CFAP54: variants seen among roughly 807,000 people sequenced by gnomAD.
The protein encoded by CFAP54 is cilia and flagella associated protein 54, also known as cilia- and flagella-associated protein 54.
CFAP54 carries 290 observed loss-of-function variants against 370.4 expected under a neutral mutation model. The observed-to-expected ratio is 0.78, with a 90% CI of 0.71 to 0.86. The LOEUF (loss-of-function observed/expected upper bound fraction) is 0.86. Among genes scored for constraint, CFAP54 ranks in the 40% least tolerant of loss-of-function variants. The pLI is 0.00. For synonymous variants in CFAP54, 1,206 were observed against 1,236.5 expected, an observed-to-expected ratio of 0.98 and a Z score of 0.52; for missense variants, 3,399 against 3,528.7, an observed-to-expected ratio of 0.96 and a Z score of 0.93.
In CFAP54 at chr12:96,503,987, CT is replaced by C. The variant is rs1278494498; in HGVS notation, c.530del (p.Phe177SerfsTer17). On this transcript the variant is annotated frameshift_variant, in exon 3 of 68. Coordinates refer to ENST00000524981, the MANE Select transcript of CFAP54 (RefSeq NM_001306084.2). LOFTEE classifies it high-confidence loss of function. ...KVDVTQFKAT[F>X]FPKGFKDKTA... ...TGGATGTAACTCAATTCAAAGCTAC[CT>C]TTTTCCCAAAAGGCTTTAAAGATAA... 2 of 1,523,444 alleles carry C rather than the reference CT, an allele frequency of 1.3e-6. No individual in the cohort carries two copies. The highest frequency in any genetic ancestry group is 1.2e-5 in the South Asian group (1 of 81,016). 94.4% of individuals were successfully genotyped at this position (1,523,444 alleles called of 1,614,324 possible).
At chr12:96,814,376 A>T (rs1257643663) in intron 64 of CFAP54, among the ~76,000 whole-genome samples, 1 of 152,184 alleles carries the variant, frequency 6.6e-6, no homozygotes, top group Non-Finnish European at 1.5e-5. Context: ...TTCCAGTCTT[A>T]CAGTAGAAGG....
At chr12:96,748,245 C>T (rs374226365) in intron 55 of CFAP54, among the ~76,000 whole-genome samples, 16 of 152,260 alleles carry the variant, frequency 1.1e-4, no homozygotes, top group East Asian at 9.6e-4. Flanking sequence ...CTAGAAGTTT[C>T]GCTCCTTCTC....
chr12:96,840,408 C>T lies in CFAP54; in HGVS notation c.9171+11320C>T, dbSNP rs1284280493. Among the ~76,000 whole-genome samples, 3 of 152,216 alleles carry T rather than the reference C, an allele frequency of 2.0e-5. No homozygotes were observed. The East Asian group carries it at 5.8e-4, about 29-fold the overall frequency. ...AGGATGGTGCTAGGCTATTTAATATCCATTGGCAAATTTTATTACATTACT... is the reference window on the plus strand; with the variant it reads ...AGGATGGTGCTAGGCTATTTAATATTCATTGGCAAATTTTATTACATTACT... On this transcript the variant is annotated intron_variant, in intron 66 of 67. Transcript: ENST00000524981.
In CFAP54 at chr12:96,608,557, G is replaced by C. The variant is rs528286620; in HGVS notation, c.3639+9790G>C. 1.3e-3 allele frequency among the ~76,000 whole-genome samples: 191 copies of C among 145,040 alleles called. 1 individual carries two copies. Among genetic ancestry groups the C allele is most frequent in the Middle Eastern group, 7.1e-3 (2 of 280 alleles). On this transcript the variant is annotated intron_variant, in intron 26 of 67. Transcript: ENST00000524981. ...GCTCACTGCAACCTCTGCCTCTCCA[G>C]TTCAAGTGATTCTCATGCCTCAGCC...
At chr12:96,826,459 T>C (rs1351612761) in intron 65 of CFAP54, among the ~76,000 whole-genome samples, 4 of 122,138 alleles carry the variant, frequency 3.3e-5, no homozygotes, top group African/African-American at 1.2e-4. Context: ...ATATGTTATT[T>C]ACTATATATT....
intron 26 of CFAP54, among the ~76,000 whole-genome samples, chr12:96,603,366 T>C (rs539794588): frequency 6.6e-6 from 1 of 152,316 alleles, no homozygotes; most frequent in African/African-American, 2.4e-5. Context: ...TAACCCTACC[T>C]TTCTCTCTGG....
chr12:96,625,652 T>A, intron 28 of CFAP54, 66 bp from the exon 29 acceptor site: 1 of 926,576 alleles, frequency 1.1e-6, no homozygotes, highest in Non-Finnish European at 1.6e-6. Flanking sequence ...TATTGTGAAT[T>A]ACTCAAAAAA....
chr12:96,871,966 C>CAGATAGGAAGAAATTGAAATCCT (rs1960181329), intron 67 of CFAP54, among the ~76,000 whole-genome samples: 3 of 151,830 alleles, frequency 2.0e-5, no homozygotes, highest in Non-Finnish European at 1.5e-5. Context: ...GAAAGAGCCC[C>CAGATAGGAAGAAATTGAAATCCT]AGATAGGAAG....
At chr12:96,662,279 G>T (rs1249541918) in intron 38 of CFAP54, among the ~76,000 whole-genome samples, 1 of 152,036 alleles carries the variant, frequency 6.6e-6, no homozygotes, top group Admixed American at 6.6e-5. Context: ...ATCTTGCCTC[G>T]CTGCAACCTC....
rs1489853472 is a variant in CFAP54 at position 96,811,779 on chromosome 12, C to T, written c.8894C>T (p.Ser2965Leu). 1 of 1,525,006 alleles carries T rather than the reference C, an allele frequency of 6.6e-7. No homozygotes were observed. Among genetic ancestry groups the T allele is most frequent in the Admixed American group, 2.0e-5 (1 of 48,860 alleles). 94.5% of individuals were successfully genotyped at this position (1,525,006 alleles called of 1,614,324 possible). ...YAYNLKPLKI[S>L]DVRHSTYNST... is the part of the protein sequence containing the mutation. ...TATAATTTGAAGCCTCTGAAGATTT[C>T]AGATGTTAGACATTCCACTTATAAC... The change falls in exon 64 of 68, where the codon TCA (serine) becomes TTA (leucine). Residue 2965 changes from serine (S) to leucine (L), a missense_variant. Ser to Leu is a moderately radical substitution (Grantham distance 145). Around this residue, in one of 3 missense-constraint regions of CFAP54, gnomAD observed 2,796 missense variants for 2,869.7 expected, o/e 0.97. Transcript: ENST00000524981.
chr12:96,744,847 CCTTGCTCT>C (rs1479786255), intron 55 of CFAP54, among the ~76,000 whole-genome samples: 2 of 152,136 alleles, frequency 1.3e-5, no homozygotes, highest in Non-Finnish European at 2.9e-5. Context: ...TGATGCTCTC[CCTTGCTCT>C]ACCCCCCAGT....
intron 30 of CFAP54, among the ~76,000 whole-genome samples, chr12:96,628,383 G>A (rs1161129054): frequency 6.6e-6 from 1 of 152,192 alleles, no homozygotes; most frequent in Non-Finnish European, 1.5e-5. Context: ...GTTCTGCTGT[G>A]CGTGGAGGAG....
At position 96,489,706 on chromosome 12, in the gene CFAP54, A is replaced by T; in HGVS notation, c.97A>T (p.Arg33Trp). 6.5e-7 allele frequency: 1 copy of T among 1,535,808 alleles called. No individual in the cohort carries two copies. Among genetic ancestry groups the T allele is most frequent in the South Asian group, 1.2e-5 (1 of 84,026 alleles). ...ELPPTSTATS[R>W]SPPESKGSSR... ...GCCGCCGACCTCCACCGCGACTTCG[A>T]GGTCGCCCCCAGAGTCGAAGGGGAG... Residue 33 changes from arginine (R) to tryptophan (W), a missense_variant, in exon 1 of 68, where the codon AGG becomes TGG. Transcript: ENST00000524981.
chr12:96,522,947 A>G (rs1240237244), intron 8 of CFAP54, among the ~76,000 whole-genome samples: 1 of 152,232 alleles, frequency 6.6e-6, no homozygotes, highest in African/African-American at 2.4e-5. Flanking sequence ...AGATGATCAC[A>G]GGGCAGGGAG....
intron 18 of CFAP54, 44 bp from the exon 19 acceptor site, chr12:96,564,600 T>C (rs1955846948): frequency 1.5e-6 from 1 of 669,744 alleles, no homozygotes; most frequent in African/African-American, 1.8e-5. Flanking sequence ...ATTTGGAAGA[T>C]AGTTTTTAAT....
At chr12:96,589,283 A>G in intron 22 of CFAP54, 144 bp from the exon 23 acceptor site, 1 of 683,026 alleles carries the variant, frequency 1.5e-6, no homozygotes, top group Non-Finnish European at 2.4e-6. Flanking sequence ...AGAACAGAAC[A>G]GCAAATGTGA....
intron 49 of CFAP54, among the ~76,000 whole-genome samples, chr12:96,720,204 C>T (rs1957732217): frequency 6.6e-6 from 1 of 152,222 alleles, no homozygotes; most frequent in Admixed American, 6.5e-5. Context: ...CATGCTGACG[C>T]TTGCTTTCAC....
intron 20 of CFAP54, 129 bp downstream of exon 20, chr12:96,576,890 A>T: frequency 1.4e-6 from 1 of 734,854 alleles, no homozygotes; most frequent in Non-Finnish European, 2.1e-6. Context: ...CACTGGATTA[A>T]TATTCCAATG....
At position 96,757,528 on chromosome 12, in the gene CFAP54, A is replaced by G; in HGVS notation, c.7980A>G (p.Leu2660=). 6.3e-7 allele frequency: 1 copy of G among 1,598,446 alleles called. No homozygotes were observed. Among genetic ancestry groups the G allele is most frequent in the African/African-American group, 1.3e-5 (1 of 74,810 alleles). Residue 2660 remains leucine, a synonymous_variant, in exon 58 of 68, where the codon CTA becomes CTG. Coordinates refer to ENST00000524981, the MANE Select transcript of CFAP54 (RefSeq NM_001306084.2). ...GAGACTCCTACCTAGAAATGGCTCT[A>G]TTGTATTTTCATCTGAAGAAGCCAA... The part of the protein sequence containing the change: ...LIRDSYLEMA[L]LYFHLKKPKI...
Sources: allele counts gnomAD v4.1 joint callset (sites outside exome capture counted in the v4.1 genomes callset), GRCh38; gene constraint gnomAD v4.1.1; regional missense constraint gnomAD v4.1.1; transcripts MANE v1.5; gene names NCBI Gene and HGNC (gene_info 2026-07-23, HGNC 2026-07-21).